CST9L: variants seen among roughly 807,000 people sequenced by gnomAD.
CST9L encodes the protein cystatin 9 like, also known as cystatin-9-like.
Under a neutral mutation model 13.2 loss-of-function variants are expected in CST9L, and 17 were observed. That is an observed-to-expected ratio of 1.29 (90% CI 0.88 to 1.93). The LOEUF (loss-of-function observed/expected upper bound fraction) is 1.93. CST9L is among the 30% of genes most tolerant of loss of function. The pLI, the probability that CST9L is intolerant of heterozygous loss-of-function variation, is 0.00. For synonymous variants in CST9L, 78 were observed against 69.1 expected, an observed-to-expected ratio of 1.13 and a Z score of -0.64; for missense variants, 170 against 170.5, an observed-to-expected ratio of 1.00 and a Z score of 0.02.
chr20:23,566,190 T>A, intron 1 of CST9L, 103 bp from the exon 2 acceptor site: 1 of 764,428 alleles, frequency 1.3e-6, no homozygotes, highest in Non-Finnish European at 2.4e-6. Flanking sequence ...AACATTCTCC[T>A]CCATTAGGGA....
intron 2 of CST9L, 126 bp from the exon 3 acceptor site, chr20:23,565,163 C>T: frequency 4.2e-6 from 3 of 716,712 alleles, no homozygotes; most frequent in South Asian, 1.5e-5. Flanking sequence ...GAAGACGGGG[C>T]CTCTGGCTAT....
At chr20:23,566,559 C>T (rs1295064202) in intron 1 of CST9L, among the ~76,000 whole-genome samples, 1 of 152,122 alleles carries the variant, frequency 6.6e-6, no homozygotes. Flanking sequence ...CCACTACACA[C>T]AGGCATACAT....
chr20:23,564,794 T>G lies in CST9L; in HGVS notation c.*154A>C, dbSNP rs958355727. The G allele has an allele frequency of 1.1e-5, 7 of 642,276 alleles. No individual in the cohort carries two copies. In the African/African-American group the frequency reaches 1.3e-4, roughly 12 times the overall value. The allele number at this position is 642,276 out of a possible 1,614,324, so 39.8% of individuals were successfully genotyped here. ...TGATTAGGCTCAAGATGTGTGGATT[T>G]TCTAAAACACTGATCTGAGATCTCA... is the stretch of plus-strand genomic sequence containing the variant. On this transcript the variant is annotated 3_prime_UTR_variant, in exon 3 of 3. Transcript: ENST00000376979.
chr20:23,566,453 C>T (rs993004026), intron 1 of CST9L, among the ~76,000 whole-genome samples: 2 of 152,192 alleles, frequency 1.3e-5, no homozygotes, highest in Non-Finnish European at 2.9e-5. Context: ...AGGGTAACCT[C>T]AGCCCTGGGA....
chr20:23,565,901 C>T, intron 2 of CST9L, 73 bp downstream of exon 2: 1 of 849,338 alleles, frequency 1.2e-6, no homozygotes, highest in Non-Finnish European at 2.1e-6. Flanking sequence ...TTGTCAGTTG[C>T]ACCTGTGCCC....
At chr20:23,566,183 A>G in intron 1 of CST9L, 96 bp from the exon 2 acceptor site, 1 of 777,394 alleles carries the variant, frequency 1.3e-6, no homozygotes, top group South Asian at 1.4e-5. Context: ...AAGTCCCAAC[A>G]TTCTCCTCCA....
intron 2 of CST9L, among the ~76,000 whole-genome samples, chr20:23,565,708 T>C (rs185268603): frequency 4.5e-4 from 68 of 152,262 alleles, no homozygotes; most frequent in Admixed American, 2.5e-3. Context: ...GAAAGAGCAG[T>C]CTGAAGGCCA....
chr20:23,567,826 T>A (rs1286017955), intron 1 of CST9L, among the ~76,000 whole-genome samples: 1 of 152,162 alleles, frequency 6.6e-6, no homozygotes, highest in East Asian at 1.9e-4. Flanking sequence ...TTTTTTAAAT[T>A]ATCTCTTTTT....
chr20:23,565,893 G>A, intron 2 of CST9L, 81 bp downstream of exon 2: 1 of 827,846 alleles, frequency 1.2e-6, no homozygotes, highest in Non-Finnish European at 2.2e-6. Flanking sequence ...AAGTCTCTTT[G>A]TCAGTTGCAC....
chr20:23,567,309 A>G (rs1203242047), intron 1 of CST9L, among the ~76,000 whole-genome samples: 2 of 152,034 alleles, frequency 1.3e-5, no homozygotes, highest in Non-Finnish European at 2.9e-5. Context: ...GGAGTTCAAG[A>G]CCAGCCTGGC....
Position 23,564,917 on chromosome 20 carries a change from G to C in CST9L, c.*31C>G. 6 of 1,473,184 alleles carry C rather than the reference G, an allele frequency of 4.1e-6. No individual in the cohort carries two copies. The highest frequency in any genetic ancestry group is 4.8e-6 in the Non-Finnish European group (5 of 1,051,536). 91.3% of individuals were successfully genotyped at this position (1,473,184 alleles called of 1,614,324 possible). ...CTGATGTCCACGGAATGTGGGAGCAGCACATGGACAAGCCTGTGAGTGGGT... is the reference window on the plus strand; with the variant it reads ...CTGATGTCCACGGAATGTGGGAGCACCACATGGACAAGCCTGTGAGTGGGT... On this transcript the variant is annotated 3_prime_UTR_variant, in exon 3 of 3. Transcript: ENST00000376979.
chr20:23,566,203 T>C (rs1056737186), intron 1 of CST9L, 116 bp from the exon 2 acceptor site: 3 of 732,708 alleles, frequency 4.1e-6, no homozygotes, highest in Non-Finnish European at 7.5e-6. Flanking sequence ...ATTAGGGAGC[T>C]TGCCCATGGG....
intron 2 of CST9L, 89 bp from the exon 3 acceptor site, chr20:23,565,126 A>G (rs1989073394): frequency 2.2e-6 from 2 of 927,972 alleles, no homozygotes; most frequent in South Asian, 2.6e-5. Context: ...TCCTCTCCAC[A>G]TTGCCCTTTC....
Position 23,568,227 on chromosome 20 carries a change from T to G in CST9L, c.224A>C (p.Asn75Thr). The G allele has an allele frequency of 6.2e-7, 1 of 1,614,158 alleles. No individual in the cohort carries two copies. The highest frequency in any genetic ancestry group is 8.5e-7 in the Non-Finnish European group (1 of 1,180,016). The part of the protein sequence containing the change: ...YYAYRLGHIL[N>T]SWKEQVESKT... ...GTCACCAACCTGCTCCTTCCAGGAATTCAAGATGTGCCCCAGTCTGTAGGC... is the reference window on the plus strand; with the variant it reads ...GTCACCAACCTGCTCCTTCCAGGAAGTCAAGATGTGCCCCAGTCTGTAGGC... The change falls in exon 1 of 3, where the codon AAT becomes ACT. Residue 75 changes from asparagine to threonine, a missense_variant. Physicochemically the swap from Asn to Thr is moderately conservative, Grantham distance 65 (BLOSUM62 0). Coordinates refer to ENST00000376979, the MANE Select transcript of CST9L (RefSeq NM_080610.3).
At chr20:23,567,911 A>G (rs1330551519) in intron 1 of CST9L, among the ~76,000 whole-genome samples, 1 of 151,886 alleles carries the variant, frequency 6.6e-6, no homozygotes, top group Non-Finnish European at 1.5e-5. Flanking sequence ...CTTATTCCGT[A>G]TCTTCATTTT....
intron 2 of CST9L, 79 bp downstream of exon 2, chr20:23,565,895 C>A: frequency 1.2e-6 from 1 of 831,224 alleles, no homozygotes; most frequent in Non-Finnish European, 2.1e-6. Context: ...GTCTCTTTGT[C>A]AGTTGCACCT....
In CST9L at chr20:23,565,964, C is replaced by T; in HGVS notation, c.354+10G>A. The T allele has an allele frequency of 1.4e-6, 2 of 1,449,914 alleles. No individual in the cohort carries two copies. Among genetic ancestry groups the T allele is most frequent in the Non-Finnish European group, 1.9e-6 (2 of 1,029,936 alleles). 89.8% of individuals were successfully genotyped at this position (1,449,914 alleles called of 1,614,324 possible). ...CTGTATCCAGGAGGGAAGCTGGTGTCCTGTCTTACATTGTTCAGCTCTGTG... is the reference window on the plus strand; with the variant it reads ...CTGTATCCAGGAGGGAAGCTGGTGTTCTGTCTTACATTGTTCAGCTCTGTG... On this transcript the variant is annotated intron_variant, in intron 2 of 2. Coordinates refer to ENST00000376979, the MANE Select transcript of CST9L (RefSeq NM_080610.3).
chr20:23,566,188 C>T (rs1481767724), intron 1 of CST9L, 101 bp from the exon 2 acceptor site: 2 of 775,334 alleles, frequency 2.6e-6, no homozygotes, highest in Non-Finnish European at 4.7e-6. Context: ...CCAACATTCT[C>T]CTCCATTAGG....
intron 1 of CST9L, among the ~76,000 whole-genome samples, chr20:23,566,995 G>A (rs995008562): frequency 6.6e-5 from 10 of 152,140 alleles, no homozygotes; most frequent in South Asian, 6.2e-4. Context: ...CTCCCTATCC[G>A]TCCATTTCCC....
Sources: allele counts gnomAD v4.1 joint callset (sites outside exome capture counted in the v4.1 genomes callset), GRCh38; gene constraint gnomAD v4.1.1; transcripts MANE v1.5; gene names NCBI Gene and HGNC (gene_info 2026-07-23, HGNC 2026-07-21).